Variants in NTNG1 observed in about 807,000 individuals in gnomAD.
NTNG1 encodes netrin-G1.
NTNG1 carries 16 observed loss-of-function variants against 54.0 expected under a neutral mutation model. That is an observed-to-expected ratio of 0.30 (90% CI 0.20 to 0.45). The LOEUF (loss-of-function observed/expected upper bound fraction) is 0.45, where lower values mean the gene tolerates loss of function less well. Among genes scored for constraint, NTNG1 ranks in the 20% least tolerant of loss-of-function variants. NTNG1 has a pLI of 1.00. For synonymous variants in NTNG1, 255 were observed against 263.1 expected (o/e 0.97, Z 0.30); for missense variants, 530 against 678.7 (o/e 0.78, Z 2.43).
intron 2 of NTNG1, among the ~76,000 whole-genome samples, chr1:107,231,284 ACTCAGTACTGGATCGCTT>A (rs1360699676): frequency 1.3e-5 from 2 of 152,108 alleles, no homozygotes; most frequent in African/African-American, 2.4e-5. Context: ...CACTGCACCC[ACTCAGTACTGGATCGCTT>A]CTCAGTACTG....
chr1:107,316,893 A>G (rs558171014), intron 2 of NTNG1, among the ~76,000 whole-genome samples: 1 of 152,232 alleles, frequency 6.6e-6, no homozygotes, highest in East Asian at 1.9e-4. Flanking sequence ...CAAGAGTTTG[A>G]AAGAAATAAG....
chr1:107,385,964 C>T (rs949130191), intron 3 of NTNG1, among the ~76,000 whole-genome samples: 4 of 151,022 alleles, frequency 2.6e-5, no homozygotes, highest in African/African-American at 9.7e-5. Context: ...AGTCACTCCC[C>T]ATGTGCCCCT....
chr1:107,472,818 T>C (rs761648059), intron 7 of NTNG1, among the ~76,000 whole-genome samples: 1 of 152,184 alleles, frequency 6.6e-6, no homozygotes, highest in Non-Finnish European at 1.5e-5. Flanking sequence ...AGTGATTAGA[T>C]AACAATCTAT....
intron 7 of NTNG1, among the ~76,000 whole-genome samples, chr1:107,437,633 T>A (rs1309149096): frequency 6.6e-6 from 1 of 152,172 alleles, no homozygotes; most frequent in African/African-American, 2.4e-5. Context: ...AAGCCACATA[T>A]GTAATTTTAG....
intron 1 of NTNG1, chr1:107,141,458 C>A (rs1319072694): frequency 6.6e-6 from 1 of 151,220 alleles, no homozygotes; most frequent in East Asian, 2.0e-4. Flanking sequence ...ACGAGCCACA[C>A]GGTAAGTGCC....
chr1:107,356,641 G>A (rs996016190), intron 3 of NTNG1, among the ~76,000 whole-genome samples: 2 of 151,558 alleles, frequency 1.3e-5, no homozygotes, highest in African/African-American at 4.8e-5. Flanking sequence ...TTTTTTTTAA[G>A]GAAGAATTTG....
chr1:107,290,587 C>T (rs927497782), intron 2 of NTNG1, among the ~76,000 whole-genome samples: 2 of 151,908 alleles, frequency 1.3e-5, no homozygotes, highest in African/African-American at 4.8e-5. Context: ...GTGAGGGGTA[C>T]TGGAATTCAG....
intron 2 of NTNG1, among the ~76,000 whole-genome samples, chr1:107,304,791 T>C (rs1666568739): frequency 6.6e-6 from 1 of 152,024 alleles, no homozygotes; most frequent in Admixed American, 6.6e-5. Context: ...AACATGCAGA[T>C]TTGTTACATA....
chr1:107,183,650 G>A (rs1230388754), intron 2 of NTNG1, among the ~76,000 whole-genome samples: 1 of 152,016 alleles, frequency 6.6e-6, no homozygotes, highest in African/African-American at 2.4e-5. Context: ...GGCTTATAGT[G>A]CCATGCTTCA....
chr1:107,322,291 A>G (rs1221817104), intron 2 of NTNG1, among the ~76,000 whole-genome samples: 1 of 152,116 alleles, frequency 6.6e-6, no homozygotes, highest in African/African-American at 2.4e-5. Context: ...TGGATCCCAC[A>G]GCGCCTTTCC....
At chr1:107,185,349 G>C (rs4626914) in intron 2 of NTNG1, among the ~76,000 whole-genome samples, 108,187 of 151,562 alleles carry the variant, frequency 0.71, 39,707 homozygotes, top group Middle Eastern at 0.84. Context: ...CCTATAGCTT[G>C]TGGTGGTTGC....
chr1:107,393,856 C>A (rs565117897), intron 3 of NTNG1, among the ~76,000 whole-genome samples: 1 of 152,128 alleles, frequency 6.6e-6, no homozygotes, highest in African/African-American at 2.4e-5. Context: ...GGAGTCTTAT[C>A]TTCCTACCTA....
At chr1:107,161,937 G>T (rs1655436084) in intron 2 of NTNG1, among the ~76,000 whole-genome samples, 1 of 135,778 alleles carries the variant, frequency 7.4e-6, no homozygotes, top group African/African-American at 2.6e-5. Context: ...TACCATCCTG[G>T]AGAAAAAAAA....
intron 6 of NTNG1, among the ~76,000 whole-genome samples, chr1:107,432,068 T>C (rs1054745017): frequency 2.0e-5 from 3 of 152,144 alleles, no homozygotes; most frequent in African/African-American, 4.8e-5. Flanking sequence ...TTTCAGAGCA[T>C]CTCCTTATTT....
rs1218977503 is a variant in NTNG1 at position 107,480,865 on chromosome 1, G to C, written c.*25G>C. The C allele has an allele frequency of 6.6e-7, 1 of 1,524,174 alleles. No individual in the cohort carries two copies. The highest frequency in any genetic ancestry group is 8.9e-7 in the Non-Finnish European group (1 of 1,124,374). 94.4% of individuals were successfully genotyped at this position (1,524,174 alleles called of 1,614,324 possible). A position where few individuals can be genotyped will look rare whatever the true frequency, so the allele number is the denominator to read the frequency against. On this transcript the variant is annotated 3_prime_UTR_variant, in exon 8 of 8. Coordinates refer to ENST00000370068, the MANE Select transcript of NTNG1 (RefSeq NM_001113226.3). The stretch of plus-strand genomic sequence containing the variant: ...GGTGTCACCTCCAGCCACACCGGAC[G>C]GGCCTGTGCCGTGGGGAAGCAGACA...
At chr1:107,355,524 A>C (rs1292120031) in intron 3 of NTNG1, among the ~76,000 whole-genome samples, 1 of 152,164 alleles carries the variant, frequency 6.6e-6, no homozygotes, top group East Asian at 1.9e-4. Flanking sequence ...ATACCAATAG[A>C]GTATATTCAA....
At chr1:107,242,566 A>G (rs1363833574) in intron 2 of NTNG1, among the ~76,000 whole-genome samples, 1 of 152,160 alleles carries the variant, frequency 6.6e-6, no homozygotes, top group African/African-American at 2.4e-5. Context: ...AAAACAGCAA[A>G]CCAGTCTGTT....
At chr1:107,196,076 A>G (rs924390984) in intron 2 of NTNG1, among the ~76,000 whole-genome samples, 8 of 152,028 alleles carry the variant, frequency 5.3e-5, no homozygotes, top group African/African-American at 1.7e-4. Context: ...CCTGGCACAT[A>G]GTAGTAGGCA....
chr1:107,239,288 T>C (rs188287459), intron 2 of NTNG1, among the ~76,000 whole-genome samples: 1 of 152,334 alleles, frequency 6.6e-6, no homozygotes, highest in East Asian at 1.9e-4. Context: ...GAATATTTTA[T>C]ACTTTGTCTC....
Sources: allele counts gnomAD v4.1 joint callset (sites outside exome capture counted in the v4.1 genomes callset), GRCh38; gene constraint gnomAD v4.1.1; transcripts MANE v1.5; gene names NCBI Gene and HGNC (gene_info 2026-07-23, HGNC 2026-07-21).